Variants in CCDC171 observed in about 807,000 individuals in gnomAD.
CCDC171 encodes coiled-coil domain-containing protein 171.
Under a neutral mutation model 168.2 loss-of-function variants are expected in CCDC171, and 177 were observed. The ratio of observed to expected loss-of-function variants is 1.05; its 90% CI spans 0.93 to 1.19. The LOEUF (loss-of-function observed/expected upper bound fraction) is 1.19, where lower values mean the gene tolerates loss of function less well. CCDC171 is among the 50% of genes most tolerant of loss of function. CCDC171 has a pLI of 0.00. For missense variants in CCDC171, 1,991 were observed against 1,539.0 expected, an observed-to-expected ratio of 1.29 and a Z score of -4.91; for synonymous variants, 687 against 540.8, an observed-to-expected ratio of 1.27 and a Z score of -3.75.
chr9:15,751,436 A>G (rs572766103), intron 18 of CCDC171, among the ~76,000 whole-genome samples: 2 of 152,344 alleles, frequency 1.3e-5, no homozygotes, highest in East Asian at 3.9e-4. Flanking sequence ...TTTAAATTTC[A>G]TACGGAACCA....
intron 2 of CCDC171, among the ~76,000 whole-genome samples, chr9:15,567,855 T>G (rs930495770): frequency 6.6e-5 from 10 of 152,130 alleles, no homozygotes; most frequent in African/African-American, 2.4e-4. Flanking sequence ...GATCTTGCTA[T>G]GTTTCTCAGG....
chr9:15,621,578 A>G (rs1414435328), intron 6 of CCDC171, among the ~76,000 whole-genome samples: 1 of 152,204 alleles, frequency 6.6e-6, no homozygotes. Context: ...AGAATAAGGA[A>G]TTGGAATCTC....
intron 7 of CCDC171, among the ~76,000 whole-genome samples, chr9:15,656,515 A>G (rs1234440985): frequency 2.6e-5 from 4 of 152,236 alleles, no homozygotes; most frequent in South Asian, 2.1e-4. Flanking sequence ...AGATAAACCA[A>G]TTGTGGTCTA....
chr9:15,860,005 A>T (rs1588887832), intron 23 of CCDC171, among the ~76,000 whole-genome samples: 1 of 150,820 alleles, frequency 6.6e-6, no homozygotes, highest in African/African-American at 2.4e-5. Flanking sequence ...TTAATCATTC[A>T]GTCTTGTTAG....
chr9:15,747,259 T>C (rs982494315), intron 18 of CCDC171, among the ~76,000 whole-genome samples: 4 of 152,218 alleles, frequency 2.6e-5, no homozygotes, highest in Non-Finnish European at 5.9e-5. Context: ...CAGGGACTTA[T>C]AGATAAAACC....
intron 24 of CCDC171, among the ~76,000 whole-genome samples, chr9:15,896,797 G>T (rs1413500486): frequency 6.6e-6 from 1 of 151,944 alleles, no homozygotes; most frequent in Non-Finnish European, 1.5e-5. Context: ...AACAGTGGTG[G>T]CCCAGACCAG....
chr9:15,747,697 C>T (rs1250807968), intron 18 of CCDC171, among the ~76,000 whole-genome samples: 5 of 152,156 alleles, frequency 3.3e-5, no homozygotes, highest in Non-Finnish European at 7.3e-5. Context: ...AAAGGAATAG[C>T]ATCAACATCA....
chr9:16,007,025 T>A (rs552619876), intron 3 of CCDC171, among the ~76,000 whole-genome samples: 7 of 152,330 alleles, frequency 4.6e-5, no homozygotes, highest in African/African-American at 1.2e-4. Flanking sequence ...CCACAATGGT[T>A]GAACTAGTTT....
chr9:15,794,401 G>T (rs2058441179), intron 21 of CCDC171, among the ~76,000 whole-genome samples: 1 of 152,112 alleles, frequency 6.6e-6, no homozygotes, highest in Non-Finnish European at 1.5e-5. Flanking sequence ...GGAGGCAGAG[G>T]TTGTAGTGAG....
intron 21 of CCDC171, among the ~76,000 whole-genome samples, chr9:15,798,258 T>C (rs12057012): frequency 0.36 from 55,438 of 151,940 alleles, 12,550 homozygotes; most frequent in East Asian, 0.63. Flanking sequence ...GTTGGATCTG[T>C]TGTGATAATT....
chr9:15,869,683 T>C (rs963140911), intron 23 of CCDC171, among the ~76,000 whole-genome samples: 1 of 151,756 alleles, frequency 6.6e-6, no homozygotes. Flanking sequence ...TGGTCAGTAG[T>C]TGTGACCAGG....
intron 21 of CCDC171, among the ~76,000 whole-genome samples, chr9:15,811,368 A>G (rs188792482): frequency 2.0e-5 from 3 of 152,326 alleles, no homozygotes; most frequent in African/African-American, 7.2e-5. Flanking sequence ...TATGGAAAAT[A>G]TAGTATAGAA....
downstream of CCDC171, among the ~76,000 whole-genome samples, chr9:16,063,165 A>G (rs1833954828): frequency 6.6e-6 from 1 of 152,212 alleles, no homozygotes; most frequent in Non-Finnish European, 1.5e-5. Context: ...GATAGCAGGA[A>G]AATGCACAAT....
chr9:15,645,720 G>A (rs149914026), intron 7 of CCDC171, among the ~76,000 whole-genome samples: 209 of 152,136 alleles, frequency 1.4e-3, no homozygotes, highest in African/African-American at 4.7e-3. Flanking sequence ...AGAAACGAAC[G>A]GAACGTCCAA....
intron 11 of CCDC171, among the ~76,000 whole-genome samples, chr9:15,710,475 TTG>T (rs1373219502): frequency 6.6e-6 from 1 of 151,684 alleles, no homozygotes; most frequent in Non-Finnish European, 1.5e-5. Flanking sequence ...GCTAATTTTT[TTG>T]TGTTTTTGGT....
intron 21 of CCDC171, 103 bp from the exon 22 acceptor site, chr9:15,846,599 A>G (rs2060905392): frequency 1.7e-6 from 2 of 1,198,170 alleles, no homozygotes; most frequent in Non-Finnish European, 2.3e-6. Context: ...ACCCAAGTCT[A>G]CTTCTCAGTC....
At chr9:15,807,300 G>A (rs985115674) in intron 21 of CCDC171, among the ~76,000 whole-genome samples, 1 of 152,204 alleles carries the variant, frequency 6.6e-6, no homozygotes, top group African/African-American at 2.4e-5. Context: ...CTGGCCATTT[G>A]ATTTCCCAGA....
chr9:15,992,155 G>C (rs969533383), intron 3 of CCDC171, among the ~76,000 whole-genome samples: 1 of 152,198 alleles, frequency 6.6e-6, no homozygotes, highest in Admixed American at 6.5e-5. Context: ...CAATATCCCT[G>C]ATGAACATCG....
At chr9:15,783,826 G>A (rs548879346) in intron 20 of CCDC171, among the ~76,000 whole-genome samples, 4 of 150,544 alleles carry the variant, frequency 2.7e-5, no homozygotes, top group African/African-American at 9.8e-5. Context: ...TGGCAGATGT[G>A]TATATATGAG....
Sources: gnomAD v4.1 joint callset for allele counts (sites outside exome capture counted in the v4.1 genomes callset) on GRCh38, gnomAD v4.1.1 for gene constraint, MANE v1.5 for transcripts, NCBI Gene and HGNC (gene_info 2026-07-23, HGNC 2026-07-21) for gene names.